Variants in RNGTT observed in about 807,000 individuals in gnomAD.
The protein encoded by RNGTT is mRNA-capping enzyme.
Under a neutral mutation model 79.3 loss-of-function variants are expected in RNGTT, and 33 were observed. The ratio of observed to expected loss-of-function variants is 0.42; its 90% CI spans 0.32 to 0.56. RNGTT has a LOEUF of 0.56. Among genes scored for constraint, RNGTT ranks in the 20% least tolerant of loss-of-function variants. The pLI is 0.17. For missense variants in RNGTT, 497 were observed against 739.1 expected (o/e 0.67, Z 3.80); for synonymous variants, 222 against 235.9 (o/e 0.94, Z 0.54).
At chr6:88,946,625 G>GCTCTCCCTCTCC (rs112379823) in intron 1 of RNGTT, among the ~76,000 whole-genome samples, 11 of 149,830 alleles carry the variant, frequency 7.3e-5, no homozygotes, top group South Asian at 6.4e-4. Flanking sequence ...CTCGACAGCA[G>GCTCTCCCTCTCC]CTCTCCCTCT....
At chr6:88,801,498 G>T in intron 12 of RNGTT, 66 bp downstream of exon 12, 1 of 1,233,168 alleles carries the variant, frequency 8.1e-7, no homozygotes, top group Non-Finnish European at 1.2e-6. Context: ...GTATGTATAT[G>T]TATATCTGTG....
chr6:88,940,323 C>G (rs1784807610), intron 2 of RNGTT, among the ~76,000 whole-genome samples: 2 of 152,206 alleles, frequency 1.3e-5, no homozygotes, highest in Admixed American at 1.3e-4. Flanking sequence ...AAGTGATCCA[C>G]CTGCCTCAGC....
intron 12 of RNGTT, among the ~76,000 whole-genome samples, chr6:88,783,595 G>T (rs544331347): frequency 1.8e-4 from 28 of 152,120 alleles, no homozygotes; most frequent in African/African-American, 6.0e-4. Context: ...AGACAAAATG[G>T]TTAAGATATC....
rs140200086 is a variant in RNGTT, at chr6:88,755,244, A to T, written c.1439+14530T>A. Among the ~76,000 whole-genome samples the T allele has an allele frequency of 1.5e-4, 23 of 152,318 alleles. No homozygotes were observed. In the East Asian group the frequency reaches 4.4e-3, roughly 29 times the overall value. ...TTCCCATCTGAGAAAATTACTCCAAAGAACAAATGAATGTGAACAAGAAAG... is the reference window on the plus strand; with the variant it reads ...TTCCCATCTGAGAAAATTACTCCAATGAACAAATGAATGTGAACAAGAAAG... On this transcript the variant is annotated intron_variant, in intron 13 of 15. Transcript: ENST00000369485.
chr6:88,960,587 A>T (rs141952325), intron 1 of RNGTT, among the ~76,000 whole-genome samples: 1 of 152,124 alleles, frequency 6.6e-6, no homozygotes, highest in African/African-American at 2.4e-5. Flanking sequence ...TACAAAAAAG[A>T]AAAGAAAAGA....
At chr6:88,710,252 A>G (rs558002509) in intron 13 of RNGTT, among the ~76,000 whole-genome samples, 10 of 152,316 alleles carry the variant, frequency 6.6e-5, no homozygotes, top group African/African-American at 2.4e-4. Context: ...CAGTGTGCAC[A>G]CCACATTTGG....
At chr6:88,898,426 CA>C (rs1562309089) in intron 6 of RNGTT, among the ~76,000 whole-genome samples, 1 of 152,104 alleles carries the variant, frequency 6.6e-6, no homozygotes, top group Non-Finnish European at 1.5e-5. Context: ...TTCTGCTACT[CA>C]TCCCACATAC....
intron 11 of RNGTT, among the ~76,000 whole-genome samples, chr6:88,837,540 A>G (rs185627123): frequency 1.6e-3 from 243 of 152,288 alleles, no homozygotes; most frequent in African/African-American, 5.8e-3. Context: ...AAGATTATTT[A>G]TAAACATCAA....
intron 8 of RNGTT, among the ~76,000 whole-genome samples, chr6:88,876,482 T>C (rs1005917038): frequency 1.3e-5 from 2 of 152,212 alleles, no homozygotes; most frequent in African/African-American, 4.8e-5. Flanking sequence ...GCCACTCCAC[T>C]CCAGCCTAGG....
intron 13 of RNGTT, among the ~76,000 whole-genome samples, chr6:88,736,351 G>C (rs1211881889): frequency 6.6e-6 from 1 of 152,064 alleles, no homozygotes; most frequent in African/African-American, 2.4e-5. Context: ...ACCAAAATCA[G>C]ATAAACATGA....
chr6:88,762,787 G>A (rs1778314417), intron 13 of RNGTT, among the ~76,000 whole-genome samples: 1 of 152,194 alleles, frequency 6.6e-6, no homozygotes, highest in African/African-American at 2.4e-5. Context: ...TCCACATAAT[G>A]AAGTTACAGA....
chr6:88,619,758 T>A (rs1324584843), intron 14 of RNGTT, among the ~76,000 whole-genome samples: 1 of 152,226 alleles, frequency 6.6e-6, no homozygotes, highest in Non-Finnish European at 1.5e-5. Flanking sequence ...GTGGATTTTT[T>A]AAACATATCT....
At position 88,698,158 on chromosome 6, in the gene RNGTT, GAT is replaced by G. The variant is rs577285182; in HGVS notation, c.1440-19741_1440-19740del. ...TATGATATATATATGAAATACATAT[GAT>G]ATATATGACATATATATGATATATA... is the stretch of plus-strand genomic sequence containing the variant. On this transcript the variant is annotated intron_variant, in intron 13 of 15. Coordinates refer to ENST00000369485, the MANE Select transcript of RNGTT (RefSeq NM_003800.5). Among the ~76,000 whole-genome samples the G allele has an allele frequency of 5.3e-3, 286 of 54,118 alleles. 27 individuals are homozygous for G. The highest frequency in any genetic ancestry group is 0.016 in the Middle Eastern group (1 of 62). 35.5% of individuals were successfully genotyped at this position (54,118 alleles called of 152,430 possible). A position where few individuals can be genotyped will look rare whatever the true frequency, so the allele number is the denominator to read the frequency against.
chr6:88,924,671 G>C (rs1486235705), intron 4 of RNGTT, among the ~76,000 whole-genome samples: 1 of 150,704 alleles, frequency 6.6e-6, no homozygotes, highest in African/African-American at 2.4e-5. Context: ...TGTGTCTTTT[G>C]TTGTTGTTGT....
chr6:88,833,225 C>A (rs1023999764), intron 11 of RNGTT, among the ~76,000 whole-genome samples: 1 of 152,126 alleles, frequency 6.6e-6, no homozygotes, highest in Admixed American at 6.5e-5. Flanking sequence ...ACATAGACAC[C>A]ATGGAATACT....
chr6:88,933,436 C>A (rs1431919053), intron 2 of RNGTT, among the ~76,000 whole-genome samples: 1 of 152,146 alleles, frequency 6.6e-6, no homozygotes, highest in African/African-American at 2.4e-5. Flanking sequence ...CCTTCCCACC[C>A]TCTGGTATCT....
chr6:88,763,400 G>C (rs12207279), intron 13 of RNGTT, among the ~76,000 whole-genome samples: 2 of 152,246 alleles, frequency 1.3e-5, no homozygotes, highest in South Asian at 2.1e-4. Flanking sequence ...ATATACTTGA[G>C]AGTGGAATTG....
chr6:88,638,825 G>A (rs770468528), intron 14 of RNGTT, among the ~76,000 whole-genome samples: 1 of 152,074 alleles, frequency 6.6e-6, no homozygotes, highest in Non-Finnish European at 1.5e-5. Context: ...CTCAAAAACT[G>A]CAATAAGTTA....
At chr6:88,914,246 A>G (rs1261331479) in intron 4 of RNGTT, among the ~76,000 whole-genome samples, 1 of 152,174 alleles carries the variant, frequency 6.6e-6, no homozygotes, top group East Asian at 1.9e-4. Flanking sequence ...TTCCTGTCAA[A>G]TTACCAACAG....
Sources: allele counts gnomAD v4.1 joint callset (sites outside exome capture counted in the v4.1 genomes callset), GRCh38; gene constraint gnomAD v4.1.1; transcripts MANE v1.5; gene names NCBI Gene and HGNC (gene_info 2026-07-23, HGNC 2026-07-21).